Variants in CLSTN2 observed in about 807,000 individuals in gnomAD.
CLSTN2 encodes calsyntenin-2.
CLSTN2 carries 48 observed loss-of-function variants against 101.2 expected under a neutral mutation model. The ratio of observed to expected loss-of-function variants is 0.47; its 90% CI spans 0.38 to 0.60. The LOEUF is 0.60. Among genes scored for constraint, CLSTN2 ranks in the 20% least tolerant of loss-of-function variants. The probability of loss-of-function intolerance (pLI) is 0.00; values close to 1 mark genes in which losing one functional copy is unlikely to be tolerated. For synonymous variants in CLSTN2, 481 were observed against 463.6 expected, an observed-to-expected ratio of 1.04 and a Z score of -0.48; for missense variants, 1,160 against 1,238.2, an observed-to-expected ratio of 0.94 and a Z score of 0.95.
At position 139,947,183 on chromosome 3, in the gene CLSTN2, G is replaced by A. The variant is rs1051206943; in HGVS notation, c.109+11700G>A. Reference sequence around the variant, plus strand: ...TAACCCAAAGGAGTGAATCACTAATGATAAAGCATGAAATCTAGTGTAGAA... The same window carrying A: ...TAACCCAAAGGAGTGAATCACTAATAATAAAGCATGAAATCTAGTGTAGAA... On this transcript the variant is annotated intron_variant, in intron 1 of 16. Transcript: ENST00000458420. Among the ~76,000 whole-genome samples the A allele has an allele frequency of 2.6e-5, 4 of 152,168 alleles. No homozygotes were observed. In the South Asian group the frequency reaches 8.3e-4, roughly 31 times the overall value.
intron 1 of CLSTN2, among the ~76,000 whole-genome samples, chr3:140,154,641 C>CTT (rs35699283): frequency 0.023 from 2,103 of 92,762 alleles, 35 homozygotes; most frequent in East Asian, 0.041. Context: ...AAGTATCACC[C>CTT]TTTTTTTTTT....
chr3:140,251,921 C>T (rs2086568484), intron 2 of CLSTN2, among the ~76,000 whole-genome samples: 1 of 152,098 alleles, frequency 6.6e-6, no homozygotes, highest in Non-Finnish European at 1.5e-5. Context: ...AGCCTGGAGG[C>T]AACAGCTGTG....
chr3:140,009,912 C>T (rs2007037203), intron 1 of CLSTN2, among the ~76,000 whole-genome samples: 1 of 152,168 alleles, frequency 6.6e-6, no homozygotes, highest in Non-Finnish European at 1.5e-5. Context: ...CGCTGTTGCC[C>T]TTGTCCAGAC....
At chr3:140,030,872 T>C (rs1208529698) in intron 1 of CLSTN2, among the ~76,000 whole-genome samples, 2 of 152,214 alleles carry the variant, frequency 1.3e-5, no homozygotes, top group African/African-American at 4.8e-5. Context: ...GACGCATTAT[T>C]AAAATCAGAG....
intron 2 of CLSTN2, 59 bp downstream of exon 2, chr3:140,176,132 C>T (rs1019432838): frequency 5.6e-6 from 9 of 1,594,052 alleles, no homozygotes; most frequent in South Asian, 1.1e-5. Flanking sequence ...GCTGTGAAAC[C>T]TCCACAAAGC....
At chr3:140,116,580 C>A (rs77936141) in intron 1 of CLSTN2, among the ~76,000 whole-genome samples, 2 of 152,084 alleles carry the variant, frequency 1.3e-5, no homozygotes, top group African/African-American at 2.4e-5. Context: ...CCTGCAGGGC[C>A]GATCCTGTAC....
intron 2 of CLSTN2, among the ~76,000 whole-genome samples, chr3:140,334,181 A>T (rs2087418708): frequency 6.6e-6 from 1 of 152,200 alleles, no homozygotes; most frequent in Non-Finnish European, 1.5e-5. Context: ...GATAGTACAT[A>T]TAAAGGTACA....
intron 5 of CLSTN2, among the ~76,000 whole-genome samples, chr3:140,436,311 G>A (rs2088686954): frequency 6.6e-6 from 1 of 152,194 alleles, no homozygotes. Flanking sequence ...TGCATATCCA[G>A]TTTTCCCAGC....
intron 2 of CLSTN2, among the ~76,000 whole-genome samples, chr3:140,340,522 T>C (rs892198807): frequency 6.6e-6 from 1 of 152,236 alleles, no homozygotes; most frequent in Non-Finnish European, 1.5e-5. Context: ...CCTTTCCTTT[T>C]GTTGTTTAAT....
chr3:140,355,392 A>G (rs1363079052), intron 2 of CLSTN2, among the ~76,000 whole-genome samples: 2 of 152,038 alleles, frequency 1.3e-5, no homozygotes, highest in Non-Finnish European at 2.9e-5. Context: ...ATTTCATAGG[A>G]TTGTTGTGAG....
At chr3:140,077,215 A>G (rs574542499) in intron 1 of CLSTN2, among the ~76,000 whole-genome samples, 117 of 152,268 alleles carry the variant, frequency 7.7e-4, no homozygotes, top group African/African-American at 2.8e-3. Context: ...AGACATCCAT[A>G]TGTAAATTTG....
intron 1 of CLSTN2, among the ~76,000 whole-genome samples, chr3:140,070,057 C>A (rs986130147): frequency 1.3e-5 from 2 of 152,244 alleles, no homozygotes; most frequent in African/African-American, 4.8e-5. Flanking sequence ...ATCACACCTA[C>A]TCTTGGATAG....
intron 1 of CLSTN2, among the ~76,000 whole-genome samples, chr3:140,135,085 AAAACACACACACACACACAC>A (rs1411730198): frequency 4.0e-5 from 1 of 25,052 alleles, no homozygotes; most frequent in African/African-American, 1.1e-4. Context: ...GCCTCTCAAA[AAAACACACACACACACACAC>A]ACACACACAC....
intron 1 of CLSTN2, among the ~76,000 whole-genome samples, chr3:140,026,054 A>T (rs963856429): frequency 2.6e-5 from 4 of 152,162 alleles, no homozygotes; most frequent in Non-Finnish European, 5.9e-5. Context: ...TGGCAGGTCC[A>T]TCTGCTCTCC....
chr3:140,423,155 C>A (rs2088524216), intron 5 of CLSTN2, among the ~76,000 whole-genome samples: 1 of 152,146 alleles, frequency 6.6e-6, no homozygotes, highest in African/African-American at 2.4e-5. Context: ...CATTTTTATT[C>A]CTAAATTTAA....
intron 1 of CLSTN2, among the ~76,000 whole-genome samples, chr3:140,065,526 AGGTAAT>A (rs2008284959): frequency 6.6e-6 from 1 of 152,236 alleles, no homozygotes; most frequent in African/African-American, 2.4e-5. Flanking sequence ...TCACAACTTC[AGGTAAT>A]TCCTATGGAC....
Position 140,497,466 on chromosome 3 carries a change from C to T in CLSTN2, c.1344+30735C>T, listed in dbSNP as rs543080380. Among the ~76,000 whole-genome samples, 248 of 152,248 alleles carry T rather than the reference C, an allele frequency of 1.6e-3. 6 individuals carry two copies. The highest frequency in any genetic ancestry group is 5.7e-3 in the African/African-American group (235 of 41,550). On this transcript the variant is annotated intron_variant, in intron 8 of 16. Coordinates refer to ENST00000458420, the MANE Select transcript of CLSTN2 (RefSeq NM_022131.3). ...TCTTGACCGAACCACCTGGACTCCCCGAAGCCAGCAGGCTAGAATGGCTGA... is the reference window on the plus strand; with the variant it reads ...TCTTGACCGAACCACCTGGACTCCCTGAAGCCAGCAGGCTAGAATGGCTGA...
At chr3:140,520,043 T>A (rs1443984879) in intron 8 of CLSTN2, among the ~76,000 whole-genome samples, 2 of 152,194 alleles carry the variant, frequency 1.3e-5, no homozygotes, top group Non-Finnish European at 2.9e-5. Flanking sequence ...CTGAAAAGGA[T>A]CTTATTTCTC....
Position 140,563,979 on chromosome 3 carries a change from C to CA in CLSTN2, c.2502dup (p.Val835SerfsTer33). 1 of 1,614,098 alleles carries CA rather than the reference C, an allele frequency of 6.2e-7. No homozygotes were observed. Among genetic ancestry groups the CA allele is most frequent in the Non-Finnish European group, 8.5e-7 (1 of 1,179,982 alleles). The stretch of plus-strand genomic sequence containing the variant: ...GTTCCAGTGGTCCCAAGCATTGCCA[C>CA]AGTGGTCATCATCATCTCCGTGTGC... On this transcript the variant is annotated frameshift_variant, in exon 16 of 17. Transcript: ENST00000458420. LOFTEE classifies it high-confidence loss of function.
Sources: gnomAD v4.1 joint callset for allele counts (sites outside exome capture counted in the v4.1 genomes callset) on GRCh38, gnomAD v4.1.1 for gene constraint, MANE v1.5 for transcripts, NCBI Gene and HGNC (gene_info 2026-07-23, HGNC 2026-07-21) for gene names.